ROS1: variants seen among roughly 807,000 people sequenced by gnomAD.
ROS1 encodes the protein proto-oncogene tyrosine-protein kinase ROS.
A neutral mutation model predicts 273.5 loss-of-function variants in ROS1; 263 were observed. The observed-to-expected ratio is 0.96, with a 90% CI of 0.87 to 1.06. The LOEUF (loss-of-function observed/expected upper bound fraction) is 1.06, where lower values mean the gene tolerates loss of function less well. ROS1 is among the 50% of genes least tolerant of loss of function. The pLI is 0.00. For synonymous variants in ROS1, 1,008 were observed against 954.1 expected, an observed-to-expected ratio of 1.06 and a Z score of -1.04; for missense variants, 2,833 against 2,751.1, an observed-to-expected ratio of 1.03 and a Z score of -0.67.
chr6:117,353,617 A>T (rs1008426246), intron 26 of ROS1, among the ~76,000 whole-genome samples: 8 of 152,378 alleles, frequency 5.3e-5, no homozygotes, highest in African/African-American at 1.9e-4. Context: ...AACTTTGCAG[A>T]TAATAAATGA....
At position 117,334,509 on chromosome 6, in the gene ROS1, T is replaced by C. The variant is rs183454482; in HGVS notation, c.5230+2663A>G. Among the ~76,000 whole-genome samples the C allele has an allele frequency of 5.1e-3, 782 of 152,280 alleles. 5 individuals are homozygous for C. Among genetic ancestry groups the C allele is most frequent in the Non-Finnish European group, 7.0e-3 (473 of 68,012 alleles). On this transcript the variant is annotated intron_variant, in intron 32 of 43. Transcript: ENST00000368507. ...AGAAAAAGTTATTTTAAATTTCACA[T>C]AGAATCAAAGAAGACCCCATGTAGC... is the stretch of plus-strand genomic sequence containing the variant.
chr6:117,424,979 G>A (rs781298455), intron 1 of ROS1, among the ~76,000 whole-genome samples: 2 of 152,112 alleles, frequency 1.3e-5, no homozygotes, highest in Non-Finnish European at 2.9e-5. Flanking sequence ...GAGAAGGGAT[G>A]ACACCCAGAA....
In ROS1 at chr6:117,310,149, C is replaced by T. The variant is rs141957047; in HGVS notation, c.6348G>A (p.Leu2116=). 1.6e-5 allele frequency: 26 copies of T among 1,613,520 alleles called. No individual in the cohort carries two copies. Among genetic ancestry groups the T allele is most frequent in the Middle Eastern group, 1.7e-4 (1 of 6,054 alleles). The change falls in exon 41 of 44, where the codon CTG becomes CTA. Residue 2116 remains leucine, a synonymous_variant. Coordinates refer to ENST00000368507, the MANE Select transcript of ROS1 (RefSeq NM_001378902.1). ...NDYYRKRGEG[L]LPVRWMAPES... ...CTGGAGCCATCCACCGAACTGGGAG[C>T]AGGCCTTCCCCTCTCTTTCTATAGT... is the stretch of plus-strand genomic sequence containing the variant.
chr6:117,310,106 T>C lies in ROS1; in HGVS notation c.6391A>G (p.Ile2131Val). The C allele has an allele frequency of 6.2e-7, 1 of 1,613,384 alleles. No individual in the cohort carries two copies. The highest frequency in any genetic ancestry group is 8.5e-7 in the Non-Finnish European group (1 of 1,179,498). The change falls in exon 41 of 44, where the codon ATC becomes GTC. Residue 2131 changes from isoleucine (I) to valine (V), a missense_variant. Transcript: ENST00000368507. Reference protein sequence around the residue: ...WMAPESLMDGIFTTQSDVWSF... With the variant: ...WMAPESLMDGVFTTQSDVWSF... ...CATACATCAGATTGAGTAGTGAAGATTCCATCCATCAAACTTTCTGGAGCC... is the reference window on the plus strand; with the variant it reads ...CATACATCAGATTGAGTAGTGAAGACTCCATCCATCAAACTTTCTGGAGCC...
intron 39 of ROS1, among the ~76,000 whole-genome samples, chr6:117,316,873 T>C (rs1394008578): frequency 6.6e-6 from 1 of 152,088 alleles, no homozygotes; most frequent in Non-Finnish European, 1.5e-5. Flanking sequence ...ACGCTATCCC[T>C]GTGCTCCAGA....
Position 117,316,621 on chromosome 6 carries a change from T to C in ROS1, c.6117+522A>G, listed in dbSNP as rs2184228. ...GGCTGCGTTTTGCAGGCAGAGTTTG[T>C]TAGCATGGATGTAGGGAAAGAGAAA... On this transcript the variant is annotated intron_variant, in intron 39 of 43. Coordinates refer to ENST00000368507, the MANE Select transcript of ROS1 (RefSeq NM_001378902.1). Among the ~76,000 whole-genome samples the C allele has an allele frequency of 2.7e-3, 416 of 152,124 alleles. 1 individual carries two copies. Among genetic ancestry groups the C allele is most frequent in the African/African-American group, 9.7e-3 (402 of 41,520 alleles).
At chr6:117,337,462 G>C in intron 31 of ROS1, 122 bp from the exon 32 acceptor site, 1 of 723,854 alleles carries the variant, frequency 1.4e-6, no homozygotes. Context: ...TAAAGAATAA[G>C]AACTTCTTTA....
At chr6:117,298,976 A>G (rs485768) in intron 43 of ROS1, among the ~76,000 whole-genome samples, 28,452 of 146,916 alleles carry the variant, frequency 0.19, 3,238 homozygotes, top group Non-Finnish European at 0.27. Flanking sequence ...GCCTAATCCT[A>G]TGTGATCTTC....
At position 117,317,099 on chromosome 6, in the gene ROS1, G is replaced by C. The variant is rs377227659; in HGVS notation, c.6117+44C>G. The C allele has an allele frequency of 1.2e-4, 186 of 1,584,444 alleles. 1 individual carries two copies. Among genetic ancestry groups the C allele is most frequent in the African/African-American group, 8.1e-4 (60 of 73,622 alleles). ...AAGAAAATTAATAGGGAATTATAGG[G>C]CATTTGCATTATGAAACCAATATTA... On this transcript the variant is annotated intron_variant, in intron 39 of 43. Transcript: ENST00000368507.
rs2128621502 is a variant in ROS1 at position 117,341,183 on chromosome 6, C to T, written c.5013G>A (p.Lys1671=). 3 of 1,613,256 alleles carry T rather than the reference C, an allele frequency of 1.9e-6. No individual in the cohort carries two copies. The highest frequency in any genetic ancestry group is 2.2e-5 in the East Asian group (1 of 44,846). ...PENTSLQFNW[K]APLNVNLIRF... is the part of the protein sequence containing the mutation. ...TGATGAGGTTAACATTCAATGGAGC[C>T]TTCCAATTAAATTGCAAACTAGTGT... Residue 1671 remains lysine (K), a synonymous_variant, in exon 31 of 44, where the codon AAG becomes AAA. Coordinates refer to ENST00000368507, the MANE Select transcript of ROS1 (RefSeq NM_001378902.1).
intron 43 of ROS1, among the ~76,000 whole-genome samples, chr6:117,294,653 T>A (rs1197567500): frequency 6.6e-6 from 1 of 152,110 alleles, no homozygotes; most frequent in Non-Finnish European, 1.5e-5. Context: ...TCAGTGCATT[T>A]CTATATACCA....
chr6:117,377,509 G>A (rs954669031), intron 18 of ROS1, among the ~76,000 whole-genome samples: 2 of 151,506 alleles, frequency 1.3e-5, no homozygotes, highest in African/African-American at 4.9e-5. Flanking sequence ...CTACAGAAAG[G>A]AAAAAAAGAA....
intron 26 of ROS1, among the ~76,000 whole-genome samples, chr6:117,353,486 G>A (rs1046080220): frequency 4.6e-5 from 7 of 152,164 alleles, no homozygotes; most frequent in African/African-American, 1.7e-4. Flanking sequence ...ACCCACCTAT[G>A]TGACTCAAAA....
At chr6:117,402,563 T>G (rs1392219880) in intron 7 of ROS1, among the ~76,000 whole-genome samples, 1 of 152,234 alleles carries the variant, frequency 6.6e-6, no homozygotes, top group African/African-American at 2.4e-5. Flanking sequence ...TTATTTCTTA[T>G]GTTTATTGCA....
intron 5 of ROS1, among the ~76,000 whole-genome samples, chr6:117,407,022 ACCC>A (rs5879419): frequency 0.54 from 81,095 of 151,286 alleles, 22,390 homozygotes; most frequent in South Asian, 0.68. Context: ...CACAGCTTGG[ACCC>A]CCATAAAATA....
chr6:117,362,687 T>G lies in ROS1; in HGVS notation c.3282A>C (p.Glu1094Asp). 6.2e-7 allele frequency: 1 copy of G among 1,613,490 alleles called. No homozygotes were observed. Among genetic ancestry groups the G allele is most frequent in the Non-Finnish European group, 8.5e-7 (1 of 1,179,486 alleles). ...SNQSITNKTC[E>D]DWIAVNVTPS... ...GAGTGACATTGACAGCAATCCAGTC[T>G]TCACATGTTTTGTTTGTAATACTTT... The change falls in exon 22 of 44, where the codon GAA becomes GAC. Residue 1094 changes from glutamate (E) to aspartate (D), a missense_variant. Glu to Asp is a conservative substitution (Grantham distance 45). Transcript: ENST00000368507.
At position 117,425,578 on chromosome 6, in the gene ROS1, A is replaced by C; in HGVS notation, c.79T>G (p.Cys27Gly). ...LGCLWISVVQ[C>G]TVLNSCLKSC... Reference sequence around the variant, plus strand: ...TTTAGGCAGCTATTTAAAACTGTACACTGCACCACAGAAATCCATAGGCAG... The same window carrying C: ...TTTAGGCAGCTATTTAAAACTGTACCCTGCACCACAGAAATCCATAGGCAG... Residue 27 changes from cysteine (C) to glycine (G), a missense_variant, in exon 1 of 44, where the codon TGT (cysteine) becomes GGT (glycine). Coordinates refer to ENST00000368507, the MANE Select transcript of ROS1 (RefSeq NM_001378902.1). The C allele has an allele frequency of 6.2e-7, 1 of 1,611,852 alleles. No homozygotes were observed. The highest frequency in any genetic ancestry group is 8.5e-7 in the Non-Finnish European group (1 of 1,179,212).
In ROS1 at chr6:117,359,823, G is replaced by T. The variant is rs780046038; in HGVS notation, c.3619C>A (p.Arg1207Ser). 6.2e-7 allele frequency: 1 copy of T among 1,613,346 alleles called. No homozygotes were observed. Among genetic ancestry groups the T allele is most frequent in the Non-Finnish European group, 8.5e-7 (1 of 1,179,394 alleles). Residue 1207 changes from arginine to serine, a missense_variant, in exon 24 of 44, where the codon CGC becomes AGC. Arg to Ser is a moderately radical substitution (Grantham distance 110). Coordinates refer to ENST00000368507, the MANE Select transcript of ROS1 (RefSeq NM_001378902.1). ...DSLFLLHLHN[R>S]SSSELFQDSL... ...TAGTGAAATACCTCAGAGCTAGAGCGATTGTGCAAGTGCAGAAGAAAGAGT... is the reference window on the plus strand; with the variant it reads ...TAGTGAAATACCTCAGAGCTAGAGCTATTGTGCAAGTGCAGAAGAAAGAGT...
At chr6:117,394,819 T>A (rs1773366660) in intron 9 of ROS1, 81 bp from the exon 10 acceptor site, 1 of 1,284,628 alleles carries the variant, frequency 7.8e-7, no homozygotes, top group Non-Finnish European at 1.0e-6. Context: ...AGTACTACCC[T>A]TCAAAGCAAG....
Sources: allele counts gnomAD v4.1 joint callset (sites outside exome capture counted in the v4.1 genomes callset), GRCh38; gene constraint gnomAD v4.1.1; transcripts MANE v1.5; gene names NCBI Gene and HGNC (gene_info 2026-07-23, HGNC 2026-07-21).